DMBX1: variants seen among roughly 807,000 people sequenced by gnomAD.
DMBX1 encodes diencephalon/mesencephalon homeobox 1.
In DMBX1, 7 loss-of-function variants were observed where a neutral mutation model predicts 30.4. The observed-to-expected ratio is 0.23, with a 90% CI of 0.13 to 0.43. The LOEUF (loss-of-function observed/expected upper bound fraction) is 0.43, where lower values mean the gene tolerates loss of function less well. Among genes scored for constraint, DMBX1 ranks in the 20% least tolerant of loss-of-function variants. The pLI is 1.00. For synonymous variants in DMBX1, 222 were observed against 214.2 expected, an observed-to-expected ratio of 1.04 and a Z score of -0.32; for missense variants, 460 against 508.5, an observed-to-expected ratio of 0.90 and a Z score of 0.92.
At chr1:46,498,830 G>A (rs1028969305) in intron 2 of DMBX1, among the ~76,000 whole-genome samples, 5 of 152,230 alleles carry the variant, frequency 3.3e-5, no homozygotes, top group Non-Finnish European at 7.3e-5. Context: ...CAGATGGTAA[G>A]TAGCATCCAC....
chr1:46,490,891 G>A (rs1323847175), intron 2 of DMBX1, among the ~76,000 whole-genome samples, 108 bp downstream of exon 2: 2 of 152,358 alleles, frequency 1.3e-5, no homozygotes, highest in East Asian at 3.9e-4. Flanking sequence ...GCAGGCTGGG[G>A]CCAGTCCCCG....
rs1425015466 is a variant in DMBX1, at chr1:46,514,915, A to C, written c.*2421A>C. On this transcript the variant is annotated 3_prime_UTR_variant, in exon 6 of 6. Transcript: ENST00000360032. The stretch of plus-strand genomic sequence containing the variant: ...TAGTCTAGGCCAGGAGAAGTGTTTG[A>C]ACAAAGCAGCAGAGATGAGACTCAG... 6.6e-6 allele frequency among the ~76,000 whole-genome samples: 1 copy of C among 152,130 alleles called. No homozygotes were observed. The highest frequency in any genetic ancestry group is 2.4e-5 in the African/African-American group (1 of 41,434).
rs1177548028 is a variant in DMBX1 at position 46,512,158 on chromosome 1, C to G, written c.798C>G (p.Arg266=). ...LSLFRLQEQF[R]QHMAATNNLV... ...TCTTCCGTCTGCAGGAGCAATTCCG[C>G]CAGCACATGGCGGCCACCAACAACC... is the stretch of plus-strand genomic sequence containing the variant. The change falls in exon 6 of 6, where the codon CGC becomes CGG. Residue 266 remains arginine (R), a synonymous_variant. Transcript: ENST00000360032. The surrounding 1 kb of genome is among the most constrained non-coding windows in gnomAD (Gnocchi z 4.8). 2.8e-5 allele frequency: 45 copies of G among 1,614,072 alleles called. No homozygotes were observed. Among genetic ancestry groups the G allele is most frequent in the Non-Finnish European group, 3.6e-5 (43 of 1,179,990 alleles).
intron 2 of DMBX1, among the ~76,000 whole-genome samples, chr1:46,506,619 G>A (rs1005882164): frequency 1.3e-5 from 2 of 152,210 alleles, no homozygotes; most frequent in Non-Finnish European, 2.9e-5. Context: ...CTTAATCCTT[G>A]CAGCAACCCT....
At chr1:46,501,105 A>G (rs941026535) in intron 2 of DMBX1, among the ~76,000 whole-genome samples, 4 of 151,802 alleles carry the variant, frequency 2.6e-5, no homozygotes, top group Non-Finnish European at 5.9e-5. Context: ...TATATTTGCT[A>G]ATCTGATCGG....
chr1:46,508,389 G>A (rs1326744850), intron 3 of DMBX1, among the ~76,000 whole-genome samples: 3 of 152,146 alleles, frequency 2.0e-5, no homozygotes, highest in Non-Finnish European at 2.9e-5. Context: ...AAATGGGATG[G>A]GATCTCCACC....
At chr1:46,501,809 G>A (rs1391291432) in intron 2 of DMBX1, among the ~76,000 whole-genome samples, 6 of 152,024 alleles carry the variant, frequency 3.9e-5, no homozygotes, top group Admixed American at 6.6e-5. Flanking sequence ...GTGTGCCACC[G>A]CACCCAGCTT....
Position 46,512,222 on chromosome 1 carries a change from C to CCTGCTGCTGCAGCGGCGG in DMBX1, c.872_889dup (p.Ala291_Ala296dup), listed in dbSNP as rs769326466. On this transcript the variant is annotated inframe_insertion, in exon 6 of 6. Transcript: ENST00000360032. The surrounding 1 kb of genome is among the most constrained non-coding windows in gnomAD (Gnocchi z 4.8). ...GTCCTTCGAAGTAGGGGGTCCGGCC[C>CCTGCTGCTGCAGCGGCGG]CTGCTGCTGCAGCGGCGGCTGCTGC... 1.2e-6 allele frequency: 2 copies of CCTGCTGCTGCAGCGGCGG among 1,613,888 alleles called. No individual in the cohort carries two copies. The highest frequency in any genetic ancestry group is 1.3e-5 in the African/African-American group (1 of 74,906).
chr1:46,506,738 C>A (rs1366739183), intron 2 of DMBX1, among the ~76,000 whole-genome samples: 1 of 152,186 alleles, frequency 6.6e-6, no homozygotes, highest in African/African-American at 2.4e-5. Context: ...TCAGCCTGCC[C>A]TGGGCAGTCT....
chr1:46,497,894 G>A (rs1418813673), intron 2 of DMBX1, among the ~76,000 whole-genome samples: 2 of 152,222 alleles, frequency 1.3e-5, no homozygotes, highest in African/African-American at 4.8e-5. Flanking sequence ...ACGCGGCCGC[G>A]CCGTGATGGA....
chr1:46,510,824 C>T lies in DMBX1; in HGVS notation c.334-111C>T, dbSNP rs1666351146. ...GGGAAGGGACAGAGGGTGTGCATTC[C>T]CTAGAGGGGTGGGGGGATGTTATCA... On this transcript the variant is annotated intron_variant, in intron 4 of 5. Coordinates refer to ENST00000360032, the MANE Select transcript of DMBX1 (RefSeq NM_172225.2). The surrounding 1 kb of genome is among the most constrained non-coding windows in gnomAD (Gnocchi z 4.1). The T allele has an allele frequency of 7.4e-7, 1 of 1,352,928 alleles. No individual in the cohort carries two copies. The highest frequency in any genetic ancestry group is 1.5e-5 in the South Asian group (1 of 68,070). 83.8% of individuals were successfully genotyped at this position (1,352,928 alleles called of 1,614,324 possible).
chr1:46,510,923 T>C lies in DMBX1; in HGVS notation c.334-12T>C. Reference sequence around the variant, plus strand: ...TCTTGCCCACCTCGGACTGCTCCTTTCCCGTCCCCAGGTGTGGTTCAAGAA... The same window carrying C: ...TCTTGCCCACCTCGGACTGCTCCTTCCCCGTCCCCAGGTGTGGTTCAAGAA... On this transcript the variant is annotated splice_polypyrimidine_tract_variant and intron_variant, in intron 4 of 5. Transcript: ENST00000360032. This position sits in a 1 kb window ranked among gnomAD's most constrained non-coding sequence, Gnocchi z 4.1. The C allele has an allele frequency of 1.3e-6, 2 of 1,585,320 alleles. No individual in the cohort carries two copies. Among genetic ancestry groups the C allele is most frequent in the African/African-American group, 2.7e-5 (2 of 74,288 alleles).
At chr1:46,497,857 T>C (rs1332165590) in intron 2 of DMBX1, among the ~76,000 whole-genome samples, 1 of 152,214 alleles carries the variant, frequency 6.6e-6, no homozygotes, top group Non-Finnish European at 1.5e-5. Context: ...TTTTAACCAA[T>C]GTAAGCACAA....
chr1:46,515,810 G>T lies in DMBX1; in HGVS notation c.*3316G>T, dbSNP rs947844826. The stretch of plus-strand genomic sequence containing the variant: ...CTGGGCCTGAAAGCCAGAGGCTCAA[G>T]CTCTGACTGTCCCTTCCAGGAATGC... On this transcript the variant is annotated 3_prime_UTR_variant, in exon 6 of 6. Transcript: ENST00000360032. Among the ~76,000 whole-genome samples the T allele has an allele frequency of 6.6e-6, 1 of 152,248 alleles. No individual in the cohort carries two copies. The highest frequency in any genetic ancestry group is 2.4e-5 in the African/African-American group (1 of 41,472).
intron 3 of DMBX1, among the ~76,000 whole-genome samples, chr1:46,507,844 A>T (rs369277846): frequency 6.6e-6 from 1 of 152,154 alleles, no homozygotes; most frequent in Admixed American, 6.5e-5. Context: ...AAAGGAGACA[A>T]TGGCCATGCC....
chr1:46,505,267 T>C, intron 2 of DMBX1, among the ~76,000 whole-genome samples: 1 of 145,874 alleles, frequency 6.9e-6, no homozygotes, highest in African/African-American at 2.5e-5. Context: ...CCCAAAGGAC[T>C]ATAAATCATG....
chr1:46,490,436 G>C (rs1240451441), intron 1 of DMBX1, among the ~76,000 whole-genome samples: 1 of 152,216 alleles, frequency 6.6e-6, no homozygotes, highest in Non-Finnish European at 1.5e-5. Flanking sequence ...GCGGCGCGGG[G>C]AGGGAGGTGG....
At chr1:46,492,331 G>A (rs1665945362) in intron 2 of DMBX1, among the ~76,000 whole-genome samples, 1 of 152,212 alleles carries the variant, frequency 6.6e-6, no homozygotes, top group South Asian at 2.1e-4. Flanking sequence ...CTGTTTCTCT[G>A]TTCTCAAACA....
At chr1:46,504,782 T>C (rs1191122416) in intron 2 of DMBX1, among the ~76,000 whole-genome samples, 4 of 150,338 alleles carry the variant, frequency 2.7e-5, no homozygotes, top group Admixed American at 1.3e-4. Context: ...GGGGATGGCA[T>C]TGAATCTGTA....
Sources: gnomAD v4.1 joint callset for allele counts (sites outside exome capture counted in the v4.1 genomes callset) on GRCh38, gnomAD v4.1.1 for gene constraint, Gnocchi (gnomAD v3.1) non-coding constraint, MANE v1.5 for transcripts, NCBI Gene and HGNC (gene_info 2026-07-23, HGNC 2026-07-21) for gene names.